Variants in BRCC3 observed in about 807,000 individuals in gnomAD.
BRCC3 encodes the protein lys-63-specific deubiquitinase BRCC36.
BRCC3 carries 15 observed loss-of-function variants against 28.0 expected under a neutral mutation model. The observed-to-expected ratio is 0.54, with a 90% CI of 0.36 to 0.82. BRCC3 has a LOEUF of 0.82. BRCC3 is among the 40% of genes least tolerant of loss of function. The probability of loss-of-function intolerance (pLI) is 0.01; values close to 1 mark genes in which losing one functional copy is unlikely to be tolerated. For missense variants in BRCC3, 109 were observed against 225.9 expected (o/e 0.48, Z 3.32); for synonymous variants, 66 against 80.3 (o/e 0.82, Z 0.95).
intron 7 of BRCC3, among the ~76,000 whole-genome samples, chrX:155,113,718 G>A (rs1221087367): frequency 9.0e-6 from 1 of 111,479 alleles, no homozygotes; most frequent in Non-Finnish European, 1.9e-5. Context: ...TATGGAATGG[G>A]AGAAAATATT....
chrX:155,094,731 G>T (rs1335130976), intron 7 of BRCC3, among the ~76,000 whole-genome samples: 1 of 111,836 alleles, frequency 8.9e-6, no homozygotes, highest in East Asian at 2.8e-4. Flanking sequence ...AATTAGAACC[G>T]CTGCCTACAG....
chrX:155,074,138 A>G (rs2074010393), intron 3 of BRCC3, among the ~76,000 whole-genome samples: 1 of 112,355 alleles, frequency 8.9e-6, no homozygotes, highest in Non-Finnish European at 1.9e-5. Context: ...CCAAAGCTGC[A>G]GCTTCTTCAG....
At chrX:155,100,196 T>G (rs2074238290) in intron 7 of BRCC3, among the ~76,000 whole-genome samples, 1 of 111,775 alleles carries the variant, frequency 8.9e-6, no homozygotes, top group Non-Finnish European at 1.9e-5. Flanking sequence ...TGACAGTAAG[T>G]TGCACACATG....
At chrX:155,082,045 G>C (rs190007205) in intron 5 of BRCC3, among the ~76,000 whole-genome samples, 43 of 111,890 alleles carry the variant, frequency 3.8e-4, no homozygotes, top group Admixed American at 1.7e-3. Context: ...GAAAAAGGAA[G>C]AATAAGATGT....
At chrX:155,084,538 C>A (rs935335075) in intron 5 of BRCC3, among the ~76,000 whole-genome samples, 7 of 111,448 alleles carry the variant, frequency 6.3e-5, no homozygotes, top group African/African-American at 2.3e-4. Context: ...AATTTTTTTG[C>A]ATTTTTAGTA....
chrX:155,077,603 T>G (rs1388536775), intron 4 of BRCC3, among the ~76,000 whole-genome samples: 1 of 111,487 alleles, frequency 9.0e-6, no homozygotes, highest in African/African-American at 3.3e-5. Context: ...CTCCTTCCAG[T>G]TTTCCTAGTA....
chrX:155,099,533 G>T, intron 7 of BRCC3: 1 of 851,051 alleles, frequency 1.2e-6, no homozygotes, highest in South Asian at 3.2e-5. Flanking sequence ...AAGGAGACTA[G>T]GAAATCTAGT....
At chrX:155,110,607 T>TA (rs1240388934) in intron 7 of BRCC3, among the ~76,000 whole-genome samples, 5 of 110,772 alleles carry the variant, frequency 4.5e-5, no homozygotes, top group Admixed American at 9.6e-5. Context: ...TTATTAATGA[T>TA]ATCAGTCTTT....
At position 155,122,307 on chromosome X, in the gene BRCC3, GACTT is replaced by G. The variant is rs782467463; in HGVS notation, c.*1109_*1112del. 1.8e-5 allele frequency: 2 copies of G among 111,847 alleles called. No homozygotes were observed. The highest frequency in any genetic ancestry group is 1.9e-5 in the Non-Finnish European group (1 of 53,133). 9.2% of individuals were successfully genotyped at this position (111,847 alleles called of 1,213,427 possible). On this transcript the variant is annotated 3_prime_UTR_variant, in exon 11 of 11. Transcript: ENST00000330045. ...CAAATTGAAACCACAGCGAGGCTATGACTTACTTATCTCAATGGCTAAAGAAAAA... is the reference window on the plus strand; with the variant it reads ...CAAATTGAAACCACAGCGAGGCTATGACTTATCTCAATGGCTAAAGAAAAA...
intron 3 of BRCC3, among the ~76,000 whole-genome samples, chrX:155,076,072 G>C (rs2074039447): frequency 8.9e-6 from 1 of 112,230 alleles, no homozygotes; most frequent in African/African-American, 3.2e-5. Context: ...ATATAAGTGA[G>C]TTCTTTCCTC....
intron 8 of BRCC3, 63 bp downstream of exon 8, chrX:155,116,251 G>A (rs1313701754): frequency 1.9e-6 from 2 of 1,069,558 alleles, no homozygotes; most frequent in Non-Finnish European, 2.5e-6. Context: ...TTCTTCTTCT[G>A]TCCTTTTCTC....
intron 9 of BRCC3, among the ~76,000 whole-genome samples, chrX:155,118,190 G>A (rs2074368708): frequency 8.9e-6 from 1 of 112,103 alleles, no homozygotes; most frequent in South Asian, 3.7e-4. Context: ...ATCAGTGGGT[G>A]AATGGATAAA....
At chrX:155,093,168 A>G (rs2074185786) in intron 7 of BRCC3, among the ~76,000 whole-genome samples, 1 of 110,809 alleles carries the variant, frequency 9.0e-6, no homozygotes, top group African/African-American at 3.3e-5. Flanking sequence ...ACTGCTGTAC[A>G]CTTCAATCAG....
intron 2 of BRCC3, 160 bp from the exon 3 acceptor site, chrX:155,073,217 C>G (rs2124228266): frequency 1.8e-6 from 1 of 542,069 alleles, no homozygotes; most frequent in South Asian, 3.3e-5. Flanking sequence ...TTGCTTCTAA[C>G]AGATAGAGTG....
intron 5 of BRCC3, 130 bp downstream of exon 5, chrX:155,078,833 T>C: frequency 7.1e-6 from 3 of 423,925 alleles, no homozygotes; most frequent in South Asian, 9.0e-5. Flanking sequence ...TTATTTTGAT[T>C]TATTTTATTA....
chrX:155,072,886 C>T (rs1415702064), intron 2 of BRCC3, among the ~76,000 whole-genome samples: 1 of 110,663 alleles, frequency 9.0e-6, no homozygotes, highest in African/African-American at 3.3e-5. Context: ...GTTCTGTCTC[C>T]CCTTAAATGC....
At chrX:155,086,624 G>A (rs2074131892) in intron 5 of BRCC3, among the ~76,000 whole-genome samples, 1 of 111,263 alleles carries the variant, frequency 9.0e-6, no homozygotes. Flanking sequence ...CTCCCAAAGC[G>A]CTGCTCACAG....
In BRCC3 at chrX:155,122,509, A is replaced by G. The variant is rs1030408657; in HGVS notation, c.*1305A>G. Reference sequence around the variant, plus strand: ...AGACCCAGCAGTTGTGCTCCTGGACATTCATTCCAGAGAAATGAAAACCTA... The same window carrying G: ...AGACCCAGCAGTTGTGCTCCTGGACGTTCATTCCAGAGAAATGAAAACCTA... On this transcript the variant is annotated 3_prime_UTR_variant, in exon 11 of 11. Transcript: ENST00000330045. 8.0e-5 allele frequency: 9 copies of G among 112,197 alleles called. No individual in the cohort carries two copies. Among genetic ancestry groups the G allele is most frequent in the African/African-American group, 2.9e-4 (9 of 30,889 alleles). 9.2% of individuals were successfully genotyped at this position (112,197 alleles called of 1,213,427 possible).
intron 7 of BRCC3, among the ~76,000 whole-genome samples, chrX:155,092,630 C>T (rs922001315): frequency 3.6e-5 from 4 of 110,729 alleles, no homozygotes; most frequent in Non-Finnish European, 3.8e-5. Flanking sequence ...CAGAGCTCTA[C>T]ATCCTCAGAA....
Sources: allele counts gnomAD v4.1 joint callset (sites outside exome capture counted in the v4.1 genomes callset), GRCh38; gene constraint gnomAD v4.1.1; transcripts MANE v1.5; gene names NCBI Gene and HGNC (gene_info 2026-07-23, HGNC 2026-07-21).